The following HIPK2 variants were observed in gnomAD, a reference collection of about 807,000 sequenced individuals.
HIPK2 encodes homeodomain-interacting protein kinase 2.
HIPK2 carries 27 observed loss-of-function variants against 113.7 expected under a neutral mutation model. The ratio of observed to expected loss-of-function variants is 0.24; its 90% CI spans 0.17 to 0.33. HIPK2 has a LOEUF of 0.33. Among genes scored for constraint, HIPK2 ranks in the 10% least tolerant of loss-of-function variants. HIPK2 has a pLI of 1.00. For synonymous variants in HIPK2, 631 were observed against 642.2 expected, an observed-to-expected ratio of 0.98 and a Z score of 0.26; for missense variants, 1,257 against 1,588.0, an observed-to-expected ratio of 0.79 and a Z score of 3.54.
At chr7:139,727,610 T>C (rs1795621932) in intron 1 of HIPK2, among the ~76,000 whole-genome samples, 2 of 152,246 alleles carry the variant, frequency 1.3e-5, no homozygotes, top group Non-Finnish European at 2.9e-5. Flanking sequence ...TTAATTCTCT[T>C]TCTGCAAGCT....
intron 12 of HIPK2, 33 bp from the exon 13 acceptor site, chr7:139,584,097 A>C: frequency 1.3e-6 from 2 of 1,551,622 alleles, no homozygotes; most frequent in Non-Finnish European, 1.7e-6. Flanking sequence ...CAGAGGTGGG[A>C]GAAGGCCGTG....
chr7:139,689,868 G>A (rs73733185), intron 2 of HIPK2, among the ~76,000 whole-genome samples: 5 of 152,112 alleles, frequency 3.3e-5, no homozygotes, highest in South Asian at 2.1e-4. Flanking sequence ...ACAGGAGAGC[G>A]GCAGAGCTTC....
rs1278915472 is a variant in HIPK2, at chr7:139,631,424, A to T, written c.1228-140T>A. The T allele has an allele frequency of 1.4e-6, 2 of 1,432,280 alleles. No individual in the cohort carries two copies. Among genetic ancestry groups the T allele is most frequent in the East Asian group, 5.0e-5 (2 of 40,176 alleles). The allele number at this position is 1,432,280 out of a possible 1,614,324, so 88.7% of individuals were successfully genotyped here. ...AGTTAACAAAAAAGAGAAAAAAGAA[A>T]AAGGGAAAAGAGAAAGGAATAAAGA... is the stretch of plus-strand genomic sequence containing the variant. On this transcript the variant is annotated intron_variant, in intron 3 of 14. Coordinates refer to ENST00000406875, the MANE Select transcript of HIPK2 (RefSeq NM_022740.5). The surrounding 1 kb of genome is among the most constrained non-coding windows in gnomAD (Gnocchi z 4.9).
chr7:139,586,288 C>A (rs978300875), intron 12 of HIPK2, among the ~76,000 whole-genome samples: 6 of 152,110 alleles, frequency 3.9e-5, no homozygotes, highest in Non-Finnish European at 1.5e-5. Flanking sequence ...ACAGAGTTAC[C>A]CTATAGCAAT....
chr7:139,742,156 TG>T (rs1327583679), intron 1 of HIPK2, among the ~76,000 whole-genome samples: 1 of 152,204 alleles, frequency 6.6e-6, no homozygotes, highest in Non-Finnish European at 1.5e-5. Context: ...GGTTATAAAT[TG>T]TAGAAAGAAC....
intron 2 of HIPK2, among the ~76,000 whole-genome samples, chr7:139,674,704 A>G (rs1585363813): frequency 6.6e-6 from 1 of 152,244 alleles, no homozygotes; most frequent in East Asian, 1.9e-4. Context: ...TTTCGACTTC[A>G]ATTCCCAGAG....
chr7:139,611,580 T>TG (rs1799826447), intron 9 of HIPK2, among the ~76,000 whole-genome samples: 1 of 152,194 alleles, frequency 6.6e-6, no homozygotes. Context: ...CGTACCCTGT[T>TG]GCCCACCCTG....
At position 139,572,357 on chromosome 7, in the gene HIPK2, G is replaced by A. The variant is rs1798310189; in HGVS notation, c.*570C>T. 1.3e-5 allele frequency: 2 copies of A among 152,370 alleles called. No homozygotes were observed. Among genetic ancestry groups the A allele is most frequent in the East Asian group, 3.9e-4 (2 of 5,184 alleles). 9.4% of individuals were successfully genotyped at this position (152,370 alleles called of 1,614,324 possible). On this transcript the variant is annotated 3_prime_UTR_variant, in exon 15 of 15. Transcript: ENST00000406875. ...CTGCAGCCCGACATTCTGGAGGGCT[G>A]TTGACCCTTTCGAGTTCTGGAAAAA...
intron 2 of HIPK2, among the ~76,000 whole-genome samples, chr7:139,694,624 G>A (rs945596914): frequency 6.6e-6 from 1 of 152,148 alleles, no homozygotes; most frequent in African/African-American, 2.4e-5. Context: ...TTCCCTGGTG[G>A]CCTGATCATT....
chr7:139,767,622 T>C (rs1796574543), intron 1 of HIPK2, among the ~76,000 whole-genome samples: 1 of 152,198 alleles, frequency 6.6e-6, no homozygotes, highest in Admixed American at 6.5e-5. Flanking sequence ...AGAAGGAACA[T>C]ACTGGTTACT....
In HIPK2 at chr7:139,565,701, CTTCTTTTTTTTT is replaced by C. The variant is rs1416780670; in HGVS notation, c.*7214_*7225del. The C allele has an allele frequency of 8.6e-5, 13 of 150,412 alleles. No individual in the cohort carries two copies. Among genetic ancestry groups the C allele is most frequent in the Admixed American group, 1.3e-4 (2 of 15,118 alleles). 9.3% of individuals were successfully genotyped at this position (150,412 alleles called of 1,614,324 possible). On this transcript the variant is annotated 3_prime_UTR_variant, in exon 15 of 15. Coordinates refer to ENST00000406875, the MANE Select transcript of HIPK2 (RefSeq NM_022740.5). ...AAGTCTTGTCTTTCTTCCACCTCTACTTCTTTTTTTTTTTCTTTTTTTTTTCTTTTTTTTAAC... is the reference window on the plus strand; with the variant it reads ...AAGTCTTGTCTTTCTTCCACCTCTACTTCTTTTTTTTTTCTTTTTTTTAAC...
In HIPK2 at chr7:139,571,962, T is replaced by C. The variant is rs1401310523; in HGVS notation, c.*965A>G. The stretch of plus-strand genomic sequence containing the variant: ...TGTTATATCGCTTTTTTTTGTGCAA[T>C]TACATTGAGGAATATTCTATTGGTA... On this transcript the variant is annotated 3_prime_UTR_variant, in exon 15 of 15. Transcript: ENST00000406875. The C allele has an allele frequency of 6.6e-6, 1 of 152,208 alleles. No individual in the cohort carries two copies. The highest frequency in any genetic ancestry group is 1.9e-4 in the East Asian group (1 of 5,196). The allele number at this position is 152,208 out of a possible 1,614,324, so 9.4% of individuals were successfully genotyped here. A position where few individuals can be genotyped will look rare whatever the true frequency, so the allele number is the denominator to read the frequency against.
Position 139,568,498 on chromosome 7 carries a change from A to G in HIPK2, c.*4429T>C, listed in dbSNP as rs1198191343. 6.6e-6 allele frequency: 1 copy of G among 152,234 alleles called. No homozygotes were observed. Among genetic ancestry groups the G allele is most frequent in the Non-Finnish European group, 1.5e-5 (1 of 68,072 alleles). 9.4% of individuals were successfully genotyped at this position (152,234 alleles called of 1,614,324 possible). ...CGTCCAGACGGGCCAGTCAGAACCC[A>G]GTGAGCAGAAGCAAATTGCCCTGCG... On this transcript the variant is annotated 3_prime_UTR_variant, in exon 15 of 15. Transcript: ENST00000406875.
In HIPK2 at chr7:139,631,297, A is replaced by T. The variant is rs773684467; in HGVS notation, c.1228-13T>A. On this transcript the variant is annotated splice_polypyrimidine_tract_variant and intron_variant, in intron 3 of 14. Coordinates refer to ENST00000406875, the MANE Select transcript of HIPK2 (RefSeq NM_022740.5). The surrounding 1 kb of genome is among the most constrained non-coding windows in gnomAD (Gnocchi z 4.9). The stretch of plus-strand genomic sequence containing the variant: ...AAATATACCGAATCTGCAAGAAAAG[A>T]TAAGAATGAGGTCAGGGCTTTTCCT... The T allele has an allele frequency of 6.2e-7, 1 of 1,605,514 alleles. No homozygotes were observed. The highest frequency in any genetic ancestry group is 8.5e-7 in the Non-Finnish European group (1 of 1,175,596).
chr7:139,686,192 C>T (rs1273813829), intron 2 of HIPK2, among the ~76,000 whole-genome samples: 1 of 152,092 alleles, frequency 6.6e-6, no homozygotes, highest in African/African-American at 2.4e-5. Flanking sequence ...GTGTAAGTCA[C>T]TGTAAATGAG....
At chr7:139,590,131 C>G (rs1012705536) in intron 12 of HIPK2, among the ~76,000 whole-genome samples, 3 of 152,282 alleles carry the variant, frequency 2.0e-5, no homozygotes, top group Admixed American at 6.5e-5. Context: ...GGGATTCATT[C>G]CATGATTGCG....
chr7:139,658,497 G>T (rs1025061284), intron 2 of HIPK2, among the ~76,000 whole-genome samples: 1 of 152,234 alleles, frequency 6.6e-6, no homozygotes, highest in Non-Finnish European at 1.5e-5. Context: ...TTCAGGGAAA[G>T]TGACTTCATG....
intron 8 of HIPK2, 120 bp downstream of exon 8, chr7:139,614,166 T>A: frequency 1.0e-6 from 1 of 986,502 alleles, no homozygotes; most frequent in South Asian, 3.1e-5. Context: ...GCGCTCTCAC[T>A]GGAAGAAATG....
chr7:139,681,736 A>G (rs1037754003), intron 2 of HIPK2, among the ~76,000 whole-genome samples: 1 of 152,264 alleles, frequency 6.6e-6, no homozygotes, highest in African/African-American at 2.4e-5. Context: ...TTCTCACTTT[A>G]AGGAGAGTCA....
Sources: gnomAD v4.1 joint callset for allele counts (sites outside exome capture counted in the v4.1 genomes callset) on GRCh38, gnomAD v4.1.1 for gene constraint, Gnocchi (gnomAD v3.1) non-coding constraint, MANE v1.5 for transcripts, NCBI Gene and HGNC (gene_info 2026-07-23, HGNC 2026-07-21) for gene names.